Variants in PCDHA9 observed in about 807,000 individuals in gnomAD.
The protein encoded by PCDHA9 is protocadherin alpha 9, also known as protocadherin alpha-9.
PCDHA9 carries 62 observed loss-of-function variants against 62.0 expected under a neutral mutation model. The observed-to-expected ratio is 1.00, with a 90% CI of 0.81 to 1.23. PCDHA9 has a LOEUF of 1.23. Among genes scored for constraint, PCDHA9 ranks in the 50% most tolerant of loss-of-function variants. PCDHA9 has a pLI of 0.00. For missense variants in PCDHA9, 1,205 were observed against 1,249.8 expected, an observed-to-expected ratio of 0.96 and a Z score of 0.54; for synonymous variants, 557 against 567.6, an observed-to-expected ratio of 0.98 and a Z score of 0.27.
chr5:140,877,476 G>T (rs1554169787), intron 1 of PCDHA9: 2 of 1,613,870 alleles, frequency 1.2e-6, no homozygotes, highest in South Asian at 1.1e-5. Flanking sequence ...TGCTGGTGTC[G>T]CTGGTGGAGA....
intron 1 of PCDHA9, chr5:140,929,360 C>T (rs781864515): frequency 6.6e-7 from 1 of 1,519,748 alleles, no homozygotes; most frequent in Admixed American, 2.2e-5. Context: ...TTCCTTTGGC[C>T]CGGAGATGGC....
At chr5:141,003,331 TTTTG>T (rs1554259005) in intron 3 of PCDHA9, among the ~76,000 whole-genome samples, 2 of 152,142 alleles carry the variant, frequency 1.3e-5, no homozygotes, top group Non-Finnish European at 2.9e-5. Flanking sequence ...GGGCAGGGTT[TTTTG>T]TTTGTTTGCT....
intron 1 of PCDHA9, among the ~76,000 whole-genome samples, chr5:140,902,760 T>G (rs887357298): frequency 1.4e-4 from 22 of 152,038 alleles, no homozygotes; most frequent in African/African-American, 5.3e-4. Context: ...ATCATTCTTA[T>G]GTCTTTGCAT....
intron 1 of PCDHA9, among the ~76,000 whole-genome samples, chr5:140,903,535 G>A (rs1311718035): frequency 3.3e-5 from 5 of 152,178 alleles, no homozygotes; most frequent in African/African-American, 1.2e-4. Flanking sequence ...CTTTAAACTA[G>A]AGCAAGAAAC....
At chr5:140,978,462 G>T (rs939639463) in intron 1 of PCDHA9, among the ~76,000 whole-genome samples, 3 of 152,222 alleles carry the variant, frequency 2.0e-5, no homozygotes, top group Admixed American at 1.3e-4. Flanking sequence ...TCCGCCCTGG[G>T]TCAAATATGC....
chr5:140,891,378 T>C (rs141028628), intron 1 of PCDHA9, among the ~76,000 whole-genome samples: 2 of 152,104 alleles, frequency 1.3e-5, no homozygotes, highest in African/African-American at 4.8e-5. Context: ...CATTGCACCA[T>C]ATTTGCAATC....
At chr5:140,946,903 T>A (rs2094054259) in intron 1 of PCDHA9, among the ~76,000 whole-genome samples, 1 of 151,408 alleles carries the variant, frequency 6.6e-6, no homozygotes, top group African/African-American at 2.4e-5. Flanking sequence ...ATAGGAAGAA[T>A]AAGTTCTGGT....
intron 1 of PCDHA9, among the ~76,000 whole-genome samples, chr5:140,908,655 G>C (rs1419890192): frequency 6.6e-6 from 1 of 152,176 alleles, no homozygotes; most frequent in East Asian, 1.9e-4. Context: ...ATGGGGGCCT[G>C]CCAAAGGCTC....
At chr5:140,869,529 T>A in intron 1 of PCDHA9, 2 of 1,614,166 alleles carry the variant, frequency 1.2e-6, no homozygotes, top group Non-Finnish European at 1.7e-6. Flanking sequence ...AGCTGCTGAT[T>A]GCGGAATCTA....
rs782792374 is a variant in PCDHA9, at chr5:140,869,589, T to C, written c.2394+18700T>C. The C allele has an allele frequency of 2.5e-6, 4 of 1,614,002 alleles. No individual in the cohort carries two copies. The African/African-American group carries it at 4.0e-5, about 16-fold the overall frequency. On this transcript the variant is annotated intron_variant, in intron 1 of 3. Coordinates refer to ENST00000532602, the MANE Select transcript of PCDHA9 (RefSeq NM_031857.2). ...TAGAGGGAGCTTCTGATGCTGACAT[T>C]GAAGAGAATGCTCTATTGACCTACA...
rs148102793 is a variant in PCDHA9 at position 140,873,087 on chromosome 5, G to A, written c.2394+22198G>A. Among the ~76,000 whole-genome samples, 818 of 152,138 alleles carry A rather than the reference G, an allele frequency of 5.4e-3. 4 individuals carry two copies. Among genetic ancestry groups the A allele is most frequent in the Middle Eastern group, 0.014 (4 of 294 alleles). On this transcript the variant is annotated intron_variant, in intron 1 of 3. Coordinates refer to ENST00000532602, the MANE Select transcript of PCDHA9 (RefSeq NM_031857.2). ...AATCATATCTAGCTATTTCCCCCCC[G>A]TATAGAGGCATAACATACCATTTGG...
At chr5:140,861,509 G>A (rs2046952597) in intron 1 of PCDHA9, 1 of 479,912 alleles carries the variant, frequency 2.1e-6, no homozygotes, top group Non-Finnish European at 4.3e-6. Context: ...ACCTCGAGGA[G>A]CTGTGTGGGA....
intron 3 of PCDHA9, among the ~76,000 whole-genome samples, chr5:140,991,634 A>G (rs1261533190): frequency 5.9e-5 from 9 of 152,196 alleles, no homozygotes; most frequent in African/African-American, 1.7e-4. Flanking sequence ...TGTAATAACA[A>G]TCTGTTCATG....
At chr5:140,923,219 CGTTTG>C (rs2081242278) in intron 1 of PCDHA9, among the ~76,000 whole-genome samples, 3 of 151,974 alleles carry the variant, frequency 2.0e-5, no homozygotes, top group Admixed American at 1.3e-4. Context: ...GTGAAAGGAT[CGTTTG>C]AGCCCAGAAG....
intron 1 of PCDHA9, among the ~76,000 whole-genome samples, chr5:140,903,666 A>T (rs1554191076): frequency 6.6e-6 from 1 of 152,228 alleles, no homozygotes; most frequent in African/African-American, 2.4e-5. Flanking sequence ...AATTTAACTG[A>T]TATAAAAGAT....
Position 140,880,816 on chromosome 5 carries a change from G to A in PCDHA9, c.2394+29927G>A, listed in dbSNP as rs3806840. On this transcript the variant is annotated intron_variant, in intron 1 of 3. Transcript: ENST00000532602. ...ATAAATAGGTGAATGACTCTAGAGTGTCTGGAAGGGCATATTTTAAATGGT... is the reference window on the plus strand; with the variant it reads ...ATAAATAGGTGAATGACTCTAGAGTATCTGGAAGGGCATATTTTAAATGGT... Among the ~76,000 whole-genome samples the A allele has an allele frequency of 9.8e-5, 15 of 152,318 alleles. No individual in the cohort carries two copies. In the East Asian group the frequency reaches 2.9e-3, roughly 29 times the overall value.
chr5:140,848,899 C>T lies in PCDHA9; in HGVS notation c.404C>T (p.Ala135Val), dbSNP rs1223339539. The T allele has an allele frequency of 6.2e-7, 1 of 1,605,974 alleles. No homozygotes were observed. The highest frequency in any genetic ancestry group is 1.7e-5 in the Admixed American group (1 of 59,194). Residue 135 changes from alanine to valine, a missense_variant, in exon 1 of 4, where the codon GCG becomes GTG. Coordinates refer to ENST00000532602, the MANE Select transcript of PCDHA9 (RefSeq NM_031857.2). ...AACGACAACCCTCCAGTGTTCCCAGCGACACAAAAGAATCTGTTCATCGCG... is the reference window on the plus strand; with the variant it reads ...AACGACAACCCTCCAGTGTTCCCAGTGACACAAAAGAATCTGTTCATCGCG... ...DINDNPPVFP[A>V]TQKNLFIAES... is the part of the protein sequence containing the mutation.
At chr5:140,881,469 T>C (rs879988017) in intron 1 of PCDHA9, 3 of 570,626 alleles carry the variant, frequency 5.3e-6, no homozygotes, top group Non-Finnish European at 6.7e-6. Context: ...AGCATTGTTG[T>C]GGCTAAATTA....
At chr5:140,870,822 A>G in intron 1 of PCDHA9, 3 of 1,613,698 alleles carry the variant, frequency 1.9e-6, no homozygotes, top group Non-Finnish European at 2.5e-6. Context: ...GCAGCGCGGG[A>G]GGCGCAGTTA....
Sources: gnomAD v4.1 joint callset for allele counts (sites outside exome capture counted in the v4.1 genomes callset) on GRCh38, gnomAD v4.1.1 for gene constraint, MANE v1.5 for transcripts, NCBI Gene and HGNC (gene_info 2026-07-23, HGNC 2026-07-21) for gene names.